Variants in USP35 observed in about 807,000 individuals in gnomAD.
USP35 encodes the protein ubiquitin carboxyl-terminal hydrolase 35.
Under a neutral mutation model 83.8 loss-of-function variants are expected in USP35, and 69 were observed. The ratio of observed to expected loss-of-function variants is 0.82; its 90% CI spans 0.68 to 1.01. The LOEUF (loss-of-function observed/expected upper bound fraction) is 1.01, where lower values mean the gene tolerates loss of function less well. USP35 is among the 50% of genes least tolerant of loss of function. The probability of loss-of-function intolerance (pLI) is 0.00; values close to 1 mark genes in which losing one functional copy is unlikely to be tolerated. For missense variants in USP35, 1,503 were observed against 1,362.5 expected (o/e 1.10, Z -1.62); for synonymous variants, 714 against 589.5 (o/e 1.21, Z -3.06).
chr11:78,231,336 GGTGTGTGTGTGTGTGT>G, the USP35 span, among the ~76,000 whole-genome samples: 4 of 145,796 alleles, frequency 2.7e-5, no homozygotes, highest in East Asian at 2.0e-4. Context: ...GCGCGTGTGT[GGTGTGTGTGTGTGTGT>G]GTGTGTGTGT....
rs139748612 is a variant in USP35, at chr11:78,214,377, T to TGGGGGGGGGGGGG, written c.*564_*565insGGGGGGGGGGGGG. ...CCTTACCAAGCGCCACTGCATGGTT[T>TGGGGGGGGGGGGG]TGGGGGGGGGGGCGGGGGGCTAGCT... On this transcript the variant is annotated 3_prime_UTR_variant, in exon 11 of 11. Transcript: ENST00000529308. The TGGGGGGGGGGGGG allele has an allele frequency of 5.7e-5, 3 of 52,904 alleles. No homozygotes were observed. Among genetic ancestry groups the TGGGGGGGGGGGGG allele is most frequent in the Admixed American group, 1.8e-4 (1 of 5,650 alleles). 3.3% of individuals were successfully genotyped at this position (52,904 alleles called of 1,614,324 possible).
chr11:78,214,107 A>C lies in USP35; in HGVS notation c.*294A>C, dbSNP rs551737116. 13 of 313,448 alleles carry C rather than the reference A, an allele frequency of 4.1e-5. No homozygotes were observed. Among genetic ancestry groups the C allele is most frequent in the African/African-American group, 2.4e-4 (11 of 45,852 alleles). The allele number at this position is 313,448 out of a possible 1,614,324, so 19.4% of individuals were successfully genotyped here. A position where few individuals can be genotyped will look rare whatever the true frequency, so the allele number is the denominator to read the frequency against. On this transcript the variant is annotated 3_prime_UTR_variant, in exon 11 of 11. Coordinates refer to ENST00000529308, the MANE Select transcript of USP35 (RefSeq NM_020798.4). ...CCCCTCCTTCCCTAGCAGGCTCCCC[A>C]TGCGGGAAGATCTGATGATGTTCAG...
rs1173018497 is a variant in USP35, at chr11:78,200,686, G to A, written c.1075G>A (p.Val359Ile). Residue 359 changes from valine (V) to isoleucine (I), a missense_variant, in exon 6 of 11, where the codon GTC (valine) becomes ATC (isoleucine). By Grantham distance (29) the Val-to-Ile change is conservative (BLOSUM62 3). Transcript: ENST00000529308. ...PHIPPMVASL[V>I]KEDSNSGTSC... Reference sequence around the variant, plus strand: ...CATCCCCCCCATGGTGGCCTCTCTGGTCAAGGAGGACTCGAACTCGGGGAC... The same window carrying A: ...CATCCCCCCCATGGTGGCCTCTCTGATCAAGGAGGACTCGAACTCGGGGAC... The A allele has an allele frequency of 3.1e-6, 5 of 1,613,786 alleles. No individual in the cohort carries two copies. Among genetic ancestry groups the A allele is most frequent in the Non-Finnish European group, 4.2e-6 (5 of 1,179,886 alleles).
At position 78,210,323 on chromosome 11, in the gene USP35, T is replaced by C; in HGVS notation, c.2468T>C (p.Ile823Thr). ...FDLRTMRRRK[I>T]LDDVSIPLLL... Reference sequence around the variant, plus strand: ...CTGCGCACCATGCGGCGCCGCAAGATCCTGGATGACGTCTCCATCCCCCTG... The same window carrying C: ...CTGCGCACCATGCGGCGCCGCAAGACCCTGGATGACGTCTCCATCCCCCTG... Residue 823 changes from isoleucine (I) to threonine (T), a missense_variant, in exon 10 of 11, where the codon ATC becomes ACC. By Grantham distance (89) the Ile-to-Thr change is moderately conservative (BLOSUM62 -1). Transcript: ENST00000529308. 1 of 1,613,292 alleles carries C rather than the reference T, an allele frequency of 6.2e-7. No homozygotes were observed. The highest frequency in any genetic ancestry group is 8.5e-7 in the Non-Finnish European group (1 of 1,179,930).
intron 7 of USP35, 184 bp from the exon 8 acceptor site, chr11:78,207,346 A>C (rs1863560293): frequency 1.7e-6 from 1 of 601,076 alleles, no homozygotes. Context: ...TCCTGACCTC[A>C]GATACCCCAG....
intron 10 of USP35, among the ~76,000 whole-genome samples, chr11:78,211,611 A>C (rs1156730738): frequency 1.3e-5 from 2 of 152,180 alleles, no homozygotes; most frequent in African/African-American, 2.4e-5. Context: ...CCTCACCAGC[A>C]TATGTTGTTT....
At chr11:78,209,086 C>A in intron 9 of USP35, 123 bp downstream of exon 9, 1 of 998,814 alleles carries the variant, frequency 1.0e-6, no homozygotes, top group Non-Finnish European at 1.5e-6. Context: ...ATGTGGAGGG[C>A]GTGGAGAAGG....
At chr11:78,233,900 C>T in the USP35 span, among the ~76,000 whole-genome samples, 2 of 152,204 alleles carry the variant, frequency 1.3e-5, no homozygotes, top group Admixed American at 6.5e-5. Flanking sequence ...CGTGGGCCAC[C>T]ACGCCCAGCC....
At chr11:78,215,378 G>A (rs1590928643), downstream of USP35, 1 of 152,618 alleles carries the variant, frequency 6.6e-6, no homozygotes, top group Non-Finnish European at 1.5e-5. Context: ...CCTGTACCAT[G>A]TGTCACCACA....
At chr11:78,212,387 T>C (rs1410130083) in intron 10 of USP35, among the ~76,000 whole-genome samples, 1 of 152,244 alleles carries the variant, frequency 6.6e-6, no homozygotes, top group South Asian at 2.1e-4. Context: ...GCTTCCACTT[T>C]TGTTCTTTTT....
Position 78,196,365 on chromosome 11 carries a change from G to T in USP35, c.120G>T (p.Ala40=). Residue 40 remains alanine, a synonymous_variant, in exon 2 of 11, where the codon GCG becomes GCT. Transcript: ENST00000529308. The surrounding 1 kb of genome is among the most constrained non-coding windows in gnomAD (Gnocchi z 4.8). ...RQPLEREQCL[A]LLALGARLYV... Reference sequence around the variant, plus strand: ...CGCTGGAGCGTGAGCAGTGCCTGGCGCTGCTGGCGCTGGGCGCGCGCCTCT... The same window carrying T: ...CGCTGGAGCGTGAGCAGTGCCTGGCTCTGCTGGCGCTGGGCGCGCGCCTCT... 3 of 1,528,808 alleles carry T rather than the reference G, an allele frequency of 2.0e-6. No individual in the cohort carries two copies. The highest frequency in any genetic ancestry group is 2.6e-6 in the Non-Finnish European group (3 of 1,151,302). The allele number at this position is 1,528,808 out of a possible 1,614,324, so 94.7% of individuals were successfully genotyped here.
At chr11:78,190,205 G>A (rs1381325942) in intron 1 of USP35, among the ~76,000 whole-genome samples, 2 of 152,214 alleles carry the variant, frequency 1.3e-5, no homozygotes, top group Admixed American at 6.5e-5. Flanking sequence ...GATTCTGTGA[G>A]CTTTTGACCT....
intron 6 of USP35, among the ~76,000 whole-genome samples, chr11:78,205,104 C>T (rs1863491076): frequency 6.6e-6 from 1 of 152,234 alleles, no homozygotes. Context: ...ATCATTAGAA[C>T]TAGTGCTTGG....
chr11:78,231,941 C>T, the USP35 span: 1 of 152,214 alleles, frequency 6.6e-6, no homozygotes, highest in Non-Finnish European at 1.5e-5. Flanking sequence ...TATCCTCTTG[C>T]ATTTGACCCA....
chr11:78,206,571 C>T (rs1216930395), intron 7 of USP35, among the ~76,000 whole-genome samples: 2 of 152,162 alleles, frequency 1.3e-5, no homozygotes, highest in Non-Finnish European at 2.9e-5. Context: ...AGCTGATCTC[C>T]AAGTCTTTCT....
At chr11:78,223,403 T>C in the USP35 span, 14 of 1,509,072 alleles carry the variant, frequency 9.3e-6, no homozygotes, top group African/African-American at 1.4e-5. Flanking sequence ...GGGGAAAGAA[T>C]GGACTTACCT....
chr11:78,210,439 C>T lies in USP35; in HGVS notation c.2584C>T (p.His862Tyr), dbSNP rs1334847486. 1.9e-6 allele frequency: 3 copies of T among 1,614,180 alleles called. No individual in the cohort carries two copies. Among genetic ancestry groups the T allele is most frequent in the Non-Finnish European group, 2.5e-6 (3 of 1,180,042 alleles). Residue 862 changes from histidine (H) to tyrosine (Y), a missense_variant, in exon 10 of 11, where the codon CAC becomes TAC. Physicochemically the swap from His to Tyr is moderately conservative, Grantham distance 83. Transcript: ENST00000529308. ...VHSGVSSESG[H>Y]YYCYAREGAA... ...CTCTGGAGTGTCTTCGGAGAGTGGT[C>T]ACTACTACTGCTATGCCCGTGAGGG...
the USP35 span, among the ~76,000 whole-genome samples, chr11:78,231,339 GTGTGT>G: frequency 2.2e-4 from 33 of 149,412 alleles, no homozygotes; most frequent in African/African-American, 6.6e-4. Flanking sequence ...CGTGTGTGGT[GTGTGT>G]GTGTGTGTGT....
At position 78,196,669 on chromosome 11, in the gene USP35, G is replaced by T; in HGVS notation, c.424G>T (p.Ala142Ser). Residue 142 changes from alanine (A) to serine (S), a missense_variant, in exon 2 of 11, where the codon GCG becomes TCG. Ala to Ser is a moderately conservative substitution (Grantham distance 99). Transcript: ENST00000529308. This position sits in a 1 kb window ranked among gnomAD's most constrained non-coding sequence, Gnocchi z 4.8. ...CGAGCGCCCGGGCCCCGCGGCCTGCGCGCAGGTGGCACGGCTGCTGGCTCG... is the reference window on the plus strand; with the variant it reads ...CGAGCGCCCGGGCCCCGCGGCCTGCTCGCAGGTGGCACGGCTGCTGGCTCG... The part of the protein sequence containing the change: ...VCERPGPAAC[A>S]QVARLLARHP... 2 of 1,463,688 alleles carry T rather than the reference G, an allele frequency of 1.4e-6. No homozygotes were observed. Among genetic ancestry groups the T allele is most frequent in the South Asian group, 2.6e-5 (2 of 76,358 alleles). 90.7% of individuals were successfully genotyped at this position (1,463,688 alleles called of 1,614,324 possible).
Sources: gnomAD v4.1 joint callset for allele counts (sites outside exome capture counted in the v4.1 genomes callset) on GRCh38, gnomAD v4.1.1 for gene constraint, Gnocchi (gnomAD v3.1) non-coding constraint, MANE v1.5 for transcripts, NCBI Gene and HGNC (gene_info 2026-07-23, HGNC 2026-07-21) for gene names.